The following RBM25 variants were observed in gnomAD, a reference collection of about 807,000 sequenced individuals.
RBM25 encodes the protein RNA-binding protein 25.
A neutral mutation model predicts 120.7 loss-of-function variants in RBM25; 19 were observed. That is an observed-to-expected ratio of 0.16 (90% CI 0.11 to 0.23). RBM25 has a LOEUF of 0.23. Ranked by LOEUF, RBM25 falls within the 10% of genes least tolerant of loss-of-function variation. The pLI is 1.00. For synonymous variants in RBM25, 390 were observed against 326.7 expected (o/e 1.19, Z -2.09); for missense variants, 605 against 1,041.5 (o/e 0.58, Z 5.77).
chr14:73,114,771 A>G (rs1039290806), intron 18 of RBM25, among the ~76,000 whole-genome samples: 5 of 152,196 alleles, frequency 3.3e-5, no homozygotes, highest in South Asian at 2.1e-4. Context: ...GCGTGTGCCT[A>G]TAGTCCCAGC....
At chr14:73,085,316 CTCATCAGTAGTCTGTTTTG>C (rs1594910906) in intron 5 of RBM25, among the ~76,000 whole-genome samples, 4 of 149,178 alleles carry the variant, frequency 2.7e-5, no homozygotes, top group East Asian at 4.1e-4. Context: ...CGCGCCCGGC[CTCATCAGTAGTCTGTTTTG>C]AAGAATTCTG....
chr14:73,101,218 G>A (rs1447107303), intron 9 of RBM25: 1 of 152,202 alleles, frequency 6.6e-6, no homozygotes, highest in African/African-American at 2.4e-5. Context: ...TTGGCTAAAA[G>A]GGTTGTTTGA....
rs1038259565 is a variant in RBM25, at chr14:73,064,532, C to A, written c.-16+5827C>A. On this transcript the variant is annotated intron_variant, in intron 1 of 18. Transcript: ENST00000261973. ...GCCTCAGTCTCCCGAGTAGCTGGGA[C>A]TACGGGCGCCTACCACCATTCCTGG... Among the ~76,000 whole-genome samples, 7 of 150,594 alleles carry A rather than the reference C, an allele frequency of 4.6e-5. 1 individual carries two copies. The highest frequency in any genetic ancestry group is 1.7e-4 in the African/African-American group (7 of 41,168).
chr14:73,099,582 C>T, intron 8 of RBM25, 85 bp from the exon 9 acceptor site: 4 of 1,586,248 alleles, frequency 2.5e-6, no homozygotes, highest in Non-Finnish European at 8.5e-7. Flanking sequence ...CTCTTTGAGA[C>T]CTATACAGAA....
chr14:73,105,379 T>G (rs1323031204), intron 10 of RBM25, among the ~76,000 whole-genome samples: 7 of 152,250 alleles, frequency 4.6e-5, no homozygotes, highest in Admixed American at 1.3e-4. Context: ...ATAAAAGTTC[T>G]AACTTAATCC....
At chr14:73,085,619 G>GT (rs1182802208) in intron 5 of RBM25, among the ~76,000 whole-genome samples, 5 of 151,456 alleles carry the variant, frequency 3.3e-5, no homozygotes, top group South Asian at 2.1e-4. Flanking sequence ...TAATTTTTTG[G>GT]TTTTTTTAAT....
At chr14:73,085,530 C>T (rs749990066) in intron 5 of RBM25, among the ~76,000 whole-genome samples, 9 of 150,310 alleles carry the variant, frequency 6.0e-5, no homozygotes, top group South Asian at 2.1e-4. Context: ...CTGCAACCTC[C>T]GCCTCCTGGG....
chr14:73,067,748 C>T (rs1399612630), intron 1 of RBM25, among the ~76,000 whole-genome samples: 5 of 151,718 alleles, frequency 3.3e-5, no homozygotes, highest in African/African-American at 9.7e-5. Flanking sequence ...GGACTACAGG[C>T]GCCTGCCACC....
chr14:73,108,307 C>G (rs1050591447), intron 13 of RBM25, among the ~76,000 whole-genome samples: 2 of 152,184 alleles, frequency 1.3e-5, no homozygotes, highest in African/African-American at 4.8e-5. Flanking sequence ...TCTGCAGTCT[C>G]TTGAGTAGGT....
In RBM25 at chr14:73,105,947, A is replaced by AGAGAGCGAGAGAGGGAAC; in HGVS notation, c.1245_1262dup (p.Arg421_Glu426dup). 6.2e-7 allele frequency: 1 copy of AGAGAGCGAGAGAGGGAAC among 1,613,432 alleles called. No homozygotes were observed. Among genetic ancestry groups the AGAGAGCGAGAGAGGGAAC allele is most frequent in the Non-Finnish European group, 8.5e-7 (1 of 1,179,636 alleles). ...GCGAGAACGAGAACGGGAGCGAGAG[A>AGAGAGCGAGAGAGGGAAC]GAGAGCGAGAGAGGGAACGGGAGCG... On this transcript the variant is annotated inframe_insertion, in exon 11 of 19. Transcript: ENST00000261973.
At chr14:73,078,621 C>T (rs977958589) in intron 4 of RBM25, among the ~76,000 whole-genome samples, 2 of 151,976 alleles carry the variant, frequency 1.3e-5, no homozygotes, top group Non-Finnish European at 1.5e-5. Flanking sequence ...TTTTTATTTA[C>T]TTTTGAGACA....
chr14:73,071,173 C>T (rs1322827721), intron 1 of RBM25, among the ~76,000 whole-genome samples: 4 of 141,760 alleles, frequency 2.8e-5, no homozygotes, highest in East Asian at 4.4e-4. Context: ...ACCCGGGAGG[C>T]GGAGGTTGCA....
intron 2 of RBM25, 32 bp downstream of exon 2, chr14:73,071,779 A>C: frequency 6.6e-7 from 1 of 1,524,412 alleles, no homozygotes; most frequent in African/African-American, 1.4e-5. Context: ...TTTGTCGTTA[A>C]ACTTGTACTT....
At chr14:73,113,158 C>G (rs1354258225) in intron 17 of RBM25, among the ~76,000 whole-genome samples, 1 of 152,042 alleles carries the variant, frequency 6.6e-6, no homozygotes, top group Non-Finnish European at 1.5e-5. Flanking sequence ...ACAGGCCCAG[C>G]TGTGTGATGT....
intron 13 of RBM25, among the ~76,000 whole-genome samples, chr14:73,108,679 G>A (rs1224372309): frequency 4.6e-5 from 7 of 152,166 alleles, no homozygotes; most frequent in Admixed American, 4.6e-4. Context: ...TACAATCATA[G>A]TGAAGATATT....
At chr14:73,104,786 A>G (rs1414892264) in intron 10 of RBM25, among the ~76,000 whole-genome samples, 1 of 152,180 alleles carries the variant, frequency 6.6e-6, no homozygotes, top group Non-Finnish European at 1.5e-5. Flanking sequence ...TCTTCAGGCT[A>G]GTTTAAAAAT....
In RBM25 at chr14:73,119,978, G is replaced by A; in HGVS notation, c.*173G>A. 3 of 935,270 alleles carry A rather than the reference G, an allele frequency of 3.2e-6. No homozygotes were observed. The highest frequency in any genetic ancestry group is 1.9e-5 in the South Asian group (1 of 52,034). 57.9% of individuals were successfully genotyped at this position (935,270 alleles called of 1,614,324 possible). A position where few individuals can be genotyped will look rare whatever the true frequency, so the allele number is the denominator to read the frequency against. ...TGTTGCCCTGTGTACTCCCTTGGTT[G>A]TAAAGTCATCTGAATCCTTGGTTCT... On this transcript the variant is annotated 3_prime_UTR_variant, in exon 19 of 19. Coordinates refer to ENST00000261973, the MANE Select transcript of RBM25 (RefSeq NM_021239.3).
chr14:73,083,969 C>T (rs956350521), intron 5 of RBM25, among the ~76,000 whole-genome samples: 1 of 150,986 alleles, frequency 6.6e-6, no homozygotes, highest in African/African-American at 2.4e-5. Flanking sequence ...GTGATCTTGG[C>T]TCACTGCAAC....
intron 2 of RBM25, among the ~76,000 whole-genome samples, chr14:73,075,437 G>A (rs144131961): frequency 0.085 from 12,950 of 152,212 alleles, 653 homozygotes; most frequent in Middle Eastern, 0.2. Flanking sequence ...GGCATTACAG[G>A]CGTGAGCCAC....
Sources: gnomAD v4.1 joint callset for allele counts (sites outside exome capture counted in the v4.1 genomes callset) on GRCh38, gnomAD v4.1.1 for gene constraint, MANE v1.5 for transcripts, NCBI Gene and HGNC (gene_info 2026-07-23, HGNC 2026-07-21) for gene names.